PCDHGB3: variants seen among roughly 807,000 people sequenced by gnomAD.
The protein encoded by PCDHGB3 is protocadherin gamma subfamily B, 3, also known as protocadherin gamma-B3.
Under a neutral mutation model 59.2 loss-of-function variants are expected in PCDHGB3, and 40 were observed. The observed-to-expected ratio is 0.68, with a 90% CI of 0.52 to 0.88. PCDHGB3 has a LOEUF of 0.88. Among genes scored for constraint, PCDHGB3 ranks in the 40% least tolerant of loss-of-function variants. PCDHGB3 has a pLI of 0.00. For missense variants in PCDHGB3, 1,309 were observed against 1,187.9 expected (o/e 1.10, Z -1.50); for synonymous variants, 581 against 503.6 (o/e 1.15, Z -2.06).
chr5:141,427,694 A>T (rs758628764), intron 1 of PCDHGB3: 2 of 913,932 alleles, frequency 2.2e-6, no homozygotes, highest in Non-Finnish European at 3.5e-6. Context: ...CCTCCATCCC[A>T]CAAGTCAGCG....
intron 1 of PCDHGB3, among the ~76,000 whole-genome samples, chr5:141,484,281 C>T (rs969039536): frequency 6.6e-6 from 1 of 152,202 alleles, no homozygotes; most frequent in Admixed American, 6.5e-5. Context: ...TGTTTTGAAA[C>T]ATCTCCCTCT....
intron 1 of PCDHGB3, among the ~76,000 whole-genome samples, chr5:141,435,605 C>T (rs776926758): frequency 1.1e-4 from 17 of 152,134 alleles, no homozygotes; most frequent in Non-Finnish European, 1.9e-4. Flanking sequence ...CTGCTTTTTA[C>T]ATTAAATTCC....
At chr5:141,387,607 AG>A in intron 1 of PCDHGB3, 2 of 547,806 alleles carry the variant, frequency 3.7e-6, no homozygotes, top group Non-Finnish European at 6.4e-6. Context: ...CAGAGGCTGT[AG>A]TTTCCTAGTG....
Position 141,477,920 on chromosome 5 carries a change from C to A in PCDHGB3, c.2416-16887C>A, listed in dbSNP as rs755219711. ...GGTAGGCTGGGACGCGGATGCAGGGCACAATGCCTGGCTCTCCTACAGTCT... is the reference window on the plus strand; with the variant it reads ...GGTAGGCTGGGACGCGGATGCAGGGAACAATGCCTGGCTCTCCTACAGTCT... On this transcript the variant is annotated intron_variant, in intron 1 of 3. Transcript: ENST00000576222. The surrounding 1 kb of genome is among the most constrained non-coding windows in gnomAD (Gnocchi z 4.9). The A allele has an allele frequency of 6.2e-7, 1 of 1,614,180 alleles. No individual in the cohort carries two copies. The highest frequency in any genetic ancestry group is 8.5e-7 in the Non-Finnish European group (1 of 1,180,038).
chr5:141,393,676 A>G (rs767754951), intron 1 of PCDHGB3: 2 of 1,613,954 alleles, frequency 1.2e-6, no homozygotes, highest in South Asian at 1.1e-5. Flanking sequence ...AATGAAAAAC[A>G]AACTCCGTTA....
At chr5:141,402,812 C>A in intron 1 of PCDHGB3, 1 of 1,243,796 alleles carries the variant, frequency 8.0e-7, no homozygotes, top group Non-Finnish European at 1.1e-6. Flanking sequence ...GCAGATACCA[C>A]AAACCTGCTC....
chr5:141,431,162 G>C lies in PCDHGB3; in HGVS notation c.2415+58353G>C, dbSNP rs757521794. The C allele has an allele frequency of 3.1e-6, 5 of 1,614,246 alleles. No homozygotes were observed. The South Asian group carries it at 5.5e-5, about 18-fold the overall frequency. On this transcript the variant is annotated intron_variant, in intron 1 of 3. Coordinates refer to ENST00000576222, the MANE Select transcript of PCDHGB3 (RefSeq NM_018924.5). The surrounding 1 kb of genome is among the most constrained non-coding windows in gnomAD (Gnocchi z 4.8). Reference sequence around the variant, plus strand: ...TAACGACAATGCGCCTTACTTTCGTGAAAGTGAATTAGAAATAAAAATTAG... The same window carrying C: ...TAACGACAATGCGCCTTACTTTCGTCAAAGTGAATTAGAAATAAAAATTAG...
intron 2 of PCDHGB3, 106 bp downstream of exon 2, chr5:141,494,971 C>T (rs1244836841): frequency 1.3e-6 from 2 of 1,583,382 alleles, no homozygotes; most frequent in African/African-American, 1.3e-5. Context: ...ATGGCTTCTC[C>T]CTCAGTTTGA....
rs1375121802 is a variant in PCDHGB3 at position 141,432,471 on chromosome 5, G to A, written c.2415+59662G>A. 2 of 1,614,094 alleles carry A rather than the reference G, an allele frequency of 1.2e-6. No homozygotes were observed. Among genetic ancestry groups the A allele is most frequent in the African/African-American group, 2.7e-5 (2 of 74,946 alleles). ...CTGTACCCCGCCCTCCCCACGGACG[G>A]TTCCACTGGCGTGGAGCTGGCTCCC... is the stretch of plus-strand genomic sequence containing the variant. On this transcript the variant is annotated intron_variant, in intron 1 of 3. Coordinates refer to ENST00000576222, the MANE Select transcript of PCDHGB3 (RefSeq NM_018924.5). The surrounding 1 kb of genome is among the most constrained non-coding windows in gnomAD (Gnocchi z 6.0).
chr5:141,451,314 G>A (rs1286009420), intron 1 of PCDHGB3, among the ~76,000 whole-genome samples: 1 of 152,218 alleles, frequency 6.6e-6, no homozygotes, highest in Non-Finnish European at 1.5e-5. Context: ...AGCAATTAAA[G>A]TGTCACCTAA....
intron 1 of PCDHGB3, among the ~76,000 whole-genome samples, chr5:141,406,791 C>T (rs893207613): frequency 2.0e-5 from 3 of 152,182 alleles, no homozygotes; most frequent in Non-Finnish European, 4.4e-5. Context: ...TATATTATTT[C>T]TGGCTCAATT....
chr5:141,399,908 C>G (rs141997055), intron 1 of PCDHGB3: 2 of 1,612,300 alleles, frequency 1.2e-6, no homozygotes, highest in African/African-American at 1.3e-5. Context: ...GACGCAGACT[C>G]AGGACACAAC....
chr5:141,498,065 G>C (rs1197771947), intron 2 of PCDHGB3, among the ~76,000 whole-genome samples: 1 of 152,220 alleles, frequency 6.6e-6, no homozygotes, highest in Non-Finnish European at 1.5e-5. Context: ...GACTGAAACT[G>C]TCATAAGTGC....
intron 2 of PCDHGB3, among the ~76,000 whole-genome samples, chr5:141,504,059 T>C (rs1179226175): frequency 6.6e-6 from 1 of 152,184 alleles, no homozygotes; most frequent in Admixed American, 6.6e-5. Flanking sequence ...ATTGAAAAAC[T>C]TCTCTGAGCC....
rs751024373 is a variant in PCDHGB3, at chr5:141,491,801, G to T, written c.2416-3006G>T. 1 of 1,500,844 alleles carries T rather than the reference G, an allele frequency of 6.7e-7. No homozygotes were observed. Among genetic ancestry groups the T allele is most frequent in the Non-Finnish European group, 8.9e-7 (1 of 1,125,292 alleles). 93.0% of individuals were successfully genotyped at this position (1,500,844 alleles called of 1,614,324 possible). ...AACTTGCATCCACTCCTCTCCGGCCGGCTTGGTCGCTGGCTGCGCTCCACC... is the reference window on the plus strand; with the variant it reads ...AACTTGCATCCACTCCTCTCCGGCCTGCTTGGTCGCTGGCTGCGCTCCACC... On this transcript the variant is annotated intron_variant, in intron 1 of 3. Transcript: ENST00000576222. This position sits in a 1 kb window ranked among gnomAD's most constrained non-coding sequence, Gnocchi z 6.9.
In PCDHGB3 at chr5:141,486,077, C is replaced by T; in HGVS notation, c.2416-8730C>T. 6.2e-7 allele frequency: 1 copy of T among 1,614,186 alleles called. No individual in the cohort carries two copies. The highest frequency in any genetic ancestry group is 8.5e-7 in the Non-Finnish European group (1 of 1,180,024). ...TAGCCTGCACCCCACTACTGGAAAG[C>T]TTACTCTTTTGGGGCCCCTAGACTT... On this transcript the variant is annotated intron_variant, in intron 1 of 3. Coordinates refer to ENST00000576222, the MANE Select transcript of PCDHGB3 (RefSeq NM_018924.5). The surrounding 1 kb of genome is among the most constrained non-coding windows in gnomAD (Gnocchi z 5.0).
At position 141,491,834 on chromosome 5, in the gene PCDHGB3, C is replaced by T; in HGVS notation, c.2416-2973C>T. 6 of 1,473,830 alleles carry T rather than the reference C, an allele frequency of 4.1e-6. No homozygotes were observed. The highest frequency in any genetic ancestry group is 5.4e-6 in the Non-Finnish European group (6 of 1,112,366). The allele number at this position is 1,473,830 out of a possible 1,614,324, so 91.3% of individuals were successfully genotyped here. ...CGCTGGCTGCGCTCCACCCGATTCTCGGGATCATTGGACCGTTTGCGCGAA... is the reference window on the plus strand; with the variant it reads ...CGCTGGCTGCGCTCCACCCGATTCTTGGGATCATTGGACCGTTTGCGCGAA... On this transcript the variant is annotated intron_variant, in intron 1 of 3. Transcript: ENST00000576222. This position sits in a 1 kb window ranked among gnomAD's most constrained non-coding sequence, Gnocchi z 6.9.
At chr5:141,452,377 A>G (rs2098740152) in intron 1 of PCDHGB3, among the ~76,000 whole-genome samples, 1 of 152,222 alleles carries the variant, frequency 6.6e-6, no homozygotes, top group African/African-American at 2.4e-5. Flanking sequence ...TTAGTAGGGA[A>G]TAGTATTTAG....
intron 2 of PCDHGB3, among the ~76,000 whole-genome samples, chr5:141,495,389 C>T (rs966648925): frequency 2.0e-5 from 3 of 152,204 alleles, no homozygotes; most frequent in African/African-American, 7.2e-5. Context: ...CTGGGCGGGG[C>T]ATGGAGCAGG....
Sources: gnomAD v4.1 joint callset for allele counts (sites outside exome capture counted in the v4.1 genomes callset) on GRCh38, gnomAD v4.1.1 for gene constraint, Gnocchi (gnomAD v3.1) non-coding constraint, MANE v1.5 for transcripts, NCBI Gene and HGNC (gene_info 2026-07-23, HGNC 2026-07-21) for gene names.